Variants in TIAM2 observed in about 807,000 individuals in gnomAD.
TIAM2 encodes the protein rho guanine nucleotide exchange factor TIAM2.
A neutral mutation model predicts 152.9 loss-of-function variants in TIAM2; 80 were observed. The observed-to-expected ratio is 0.52, with a 90% CI of 0.44 to 0.63. The LOEUF (loss-of-function observed/expected upper bound fraction) is 0.63. Among genes scored for constraint, TIAM2 ranks in the 30% least tolerant of loss-of-function variants. The pLI, the probability that TIAM2 is intolerant of heterozygous loss-of-function variation, is 0.00. For synonymous variants in TIAM2, 804 were observed against 838.0 expected (o/e 0.96, Z 0.70); for missense variants, 1,965 against 2,120.1 (o/e 0.93, Z 1.44).
At chr6:155,175,499 A>T (rs937933798) in intron 9 of TIAM2, among the ~76,000 whole-genome samples, 5 of 152,246 alleles carry the variant, frequency 3.3e-5, no homozygotes, top group Non-Finnish European at 7.3e-5. Flanking sequence ...GGTGTTTCAC[A>T]TAAGTGACCT....
At chr6:155,211,783 A>G (rs1481110829) in intron 15 of TIAM2, among the ~76,000 whole-genome samples, 1 of 152,098 alleles carries the variant, frequency 6.6e-6, no homozygotes, top group Non-Finnish European at 1.5e-5. Flanking sequence ...GGCATTAAGT[A>G]TATTCACATT....
chr6:155,129,461 G>T lies in TIAM2; in HGVS notation c.238G>T (p.Gly80Cys), dbSNP rs1779382948. The T allele has an allele frequency of 6.2e-7, 1 of 1,613,996 alleles. No individual in the cohort carries two copies. The highest frequency in any genetic ancestry group is 1.3e-5 in the African/African-American group (1 of 74,902). ...SNQPYASRLG[G>C]PTCKVSRGVA... ...CCAGCCTTACGCATCGAGACTCGGTGGCCCCACATGCAAGGTCTCCAGAGG... is the reference window on the plus strand; with the variant it reads ...CCAGCCTTACGCATCGAGACTCGGTTGCCCCACATGCAAGGTCTCCAGAGG... The change falls in exon 4 of 27, where the codon GGC (glycine) becomes TGC (cysteine). Residue 80 changes from glycine (G) to cysteine (C), a missense_variant. Physicochemically the swap from Gly to Cys is radical, Grantham distance 159. This residue lies in a region of TIAM2 where 1,025 missense variants were observed against 1,119.4 expected (regional missense o/e 0.92). Coordinates refer to ENST00000682666, the MANE Select transcript of TIAM2 (RefSeq NM_012454.4). The surrounding 1 kb of genome is among the most constrained non-coding windows in gnomAD (Gnocchi z 4.8).
chr6:155,239,987 G>T (rs1169510109), intron 15 of TIAM2, among the ~76,000 whole-genome samples: 2 of 152,214 alleles, frequency 1.3e-5, no homozygotes, highest in East Asian at 3.9e-4. Flanking sequence ...CTTGCCACAA[G>T]ACTGTGGAGC....
intron 2 of TIAM2, among the ~76,000 whole-genome samples, chr6:155,098,944 T>C (rs1778483696): frequency 6.6e-6 from 1 of 152,146 alleles, no homozygotes; most frequent in African/African-American, 2.4e-5. Context: ...TCCCAGCACT[T>C]TGGGAGGCTG....
chr6:155,250,026 T>TGA, intron 21 of TIAM2, 57 bp downstream of exon 21: 1 of 1,365,870 alleles, frequency 7.3e-7, no homozygotes, highest in Admixed American at 2.1e-5. Flanking sequence ...GGTCTGTAGG[T>TGA]GACCTTCTAG....
intron 2 of TIAM2, among the ~76,000 whole-genome samples, chr6:155,113,407 C>T (rs1778908417): frequency 6.6e-6 from 1 of 152,074 alleles, no homozygotes; most frequent in Non-Finnish European, 1.5e-5. Context: ...TGTCAAAGTG[C>T]TTATCACCTC....
At chr6:155,128,309 T>A (rs1262995458) in intron 3 of TIAM2, among the ~76,000 whole-genome samples, 4 of 152,308 alleles carry the variant, frequency 2.6e-5, no homozygotes. Flanking sequence ...TTCCCCCATT[T>A]TTCATCTCAG....
chr6:155,093,230 T>C (rs1778342341), intron 2 of TIAM2, among the ~76,000 whole-genome samples: 2 of 152,228 alleles, frequency 1.3e-5, no homozygotes, highest in Non-Finnish European at 2.9e-5. Context: ...AGAGGATTGC[T>C]GTGAGAATTA....
intron 6 of TIAM2, among the ~76,000 whole-genome samples, chr6:155,146,657 G>GTGA (rs1779825159): frequency 6.6e-6 from 1 of 151,722 alleles, no homozygotes; most frequent in African/African-American, 2.4e-5. Flanking sequence ...GTACAGTGGT[G>GTGA]TGATCTCAGC....
chr6:155,249,247 C>T (rs1295000005), intron 20 of TIAM2, among the ~76,000 whole-genome samples: 2 of 152,160 alleles, frequency 1.3e-5, no homozygotes, highest in Admixed American at 6.5e-5. Flanking sequence ...TATTCCCTCG[C>T]GGAAAGTTAT....
intron 1 of TIAM2, among the ~76,000 whole-genome samples, chr6:155,006,170 G>A (rs1778398585): frequency 1.3e-5 from 2 of 152,156 alleles, no homozygotes; most frequent in South Asian, 4.1e-4. Context: ...GCCGACCCAC[G>A]GCAGAGCTGG....
intron 3 of TIAM2, 64 bp downstream of exon 3, chr6:155,127,664 T>C: frequency 2.2e-6 from 1 of 448,556 alleles, no homozygotes; most frequent in South Asian, 1.6e-5. Flanking sequence ...AGGTAATAAG[T>C]AAAGGTTTAA....
intron 1 of TIAM2, among the ~76,000 whole-genome samples, chr6:155,024,825 A>G (rs1776568212): frequency 6.6e-6 from 1 of 152,148 alleles, no homozygotes; most frequent in African/African-American, 2.4e-5. Flanking sequence ...CGAAATTAGG[A>G]TCACAGCTTT....
intron 1 of TIAM2, among the ~76,000 whole-genome samples, chr6:155,065,207 G>C (rs1340092352): frequency 6.6e-6 from 1 of 152,028 alleles, no homozygotes; most frequent in Admixed American, 6.6e-5. Context: ...GCCCACCTCG[G>C]CCTCCCAAAG....
In TIAM2 at chr6:155,233,280, AGTT is replaced by A. The variant is rs1412887817; in HGVS notation, c.3169-7244_3169-7242del. On this transcript the variant is annotated intron_variant, in intron 15 of 26. Coordinates refer to ENST00000682666, the MANE Select transcript of TIAM2 (RefSeq NM_012454.4). The stretch of plus-strand genomic sequence containing the variant: ...TGAATAAGACAAAAGAGAATATCAA[AGTT>A]GTTGTGATCAAGGGAACAGATTTCA... 9.2e-5 allele frequency among the ~76,000 whole-genome samples: 14 copies of A among 152,350 alleles called. No homozygotes were observed. In the East Asian group the frequency reaches 2.5e-3, roughly 27 times the overall value.
intron 1 of TIAM2, among the ~76,000 whole-genome samples, chr6:155,027,605 ATAAT>A (rs1776638016): frequency 1.3e-5 from 1 of 74,236 alleles, no homozygotes; most frequent in African/African-American, 6.1e-5. Context: ...TATACTATAT[ATAAT>A]ATATGTACTG....
intron 1 of TIAM2, among the ~76,000 whole-genome samples, chr6:155,088,904 G>T (rs908861574): frequency 6.6e-6 from 1 of 152,154 alleles, no homozygotes; most frequent in Non-Finnish European, 1.5e-5. Context: ...GAAGCCAAAA[G>T]ATTGGACATC....
At chr6:155,068,700 G>A (rs1053573974) in intron 1 of TIAM2, among the ~76,000 whole-genome samples, 4 of 151,014 alleles carry the variant, frequency 2.6e-5, no homozygotes, top group African/African-American at 9.7e-5. Context: ...CAGGTGATCC[G>A]TCCGCCTCGG....
chr6:155,061,335 ATC>A (rs1260667393), intron 1 of TIAM2, among the ~76,000 whole-genome samples: 2 of 150,496 alleles, frequency 1.3e-5, no homozygotes, highest in Non-Finnish European at 2.9e-5. Flanking sequence ...ACACACATGT[ATC>A]TCTAGATACA....
Sources: allele counts gnomAD v4.1 joint callset (sites outside exome capture counted in the v4.1 genomes callset), GRCh38; gene constraint gnomAD v4.1.1; regional missense constraint gnomAD v4.1.1; non-coding constraint Gnocchi (gnomAD v3.1); transcripts MANE v1.5; gene names NCBI Gene and HGNC (gene_info 2026-07-23, HGNC 2026-07-21).